Variants in ASB13 observed in about 807,000 individuals in gnomAD.
The protein encoded by ASB13 is ankyrin repeat and SOCS box containing 13.
A neutral mutation model predicts 28.8 loss-of-function variants in ASB13; 33 were observed. The observed-to-expected ratio is 1.15, with a 90% CI of 0.87 to 1.53. The LOEUF (loss-of-function observed/expected upper bound fraction) is 1.53. Ranked by LOEUF, ASB13 falls within the 40% of genes most tolerant of loss-of-function variation. The pLI is 0.00. For missense variants in ASB13, 414 were observed against 390.1 expected (o/e 1.06, Z -0.52); for synonymous variants, 182 against 172.9 (o/e 1.05, Z -0.41).
At chr10:5,648,825 G>A in intron 4 of ASB13, 145 bp downstream of exon 4, 2 of 1,464,982 alleles carry the variant, frequency 1.4e-6, no homozygotes, top group South Asian at 1.3e-5. Context: ...CACCCACGCG[G>A]GCAAACATCC....
intron 5 of ASB13, 125 bp from the exon 6 acceptor site, chr10:5,640,955 G>C: frequency 1.6e-6 from 2 of 1,267,736 alleles, no homozygotes; most frequent in Non-Finnish European, 2.2e-6. Flanking sequence ...GATGTGTCCT[G>C]TAGGCCTTCT....
rs568809459 is a variant in ASB13 at position 5,660,915 on chromosome 10, C to T, written c.43+5594G>A. 2.7e-4 allele frequency among the ~76,000 whole-genome samples: 41 copies of T among 152,320 alleles called. No individual in the cohort carries two copies. The highest frequency in any genetic ancestry group is 4.4e-4 in the Non-Finnish European group (30 of 68,032). On this transcript the variant is annotated intron_variant, in intron 1 of 5. Coordinates refer to ENST00000357700, the MANE Select transcript of ASB13 (RefSeq NM_024701.4). This position sits in a 1 kb window ranked among gnomAD's most constrained non-coding sequence, Gnocchi z 6.1. ...CACCCAGCAGTGTGCCGGGCCATCTCGCCAGCTGGCTGCTGCACAGCCAGG... is the reference window on the plus strand; with the variant it reads ...CACCCAGCAGTGTGCCGGGCCATCTTGCCAGCTGGCTGCTGCACAGCCAGG...
rs1835166503 is a variant in ASB13, at chr10:5,661,552, T to C, written c.43+4957A>G. 6.6e-6 allele frequency among the ~76,000 whole-genome samples: 1 copy of C among 152,328 alleles called. No individual in the cohort carries two copies. Among genetic ancestry groups the C allele is most frequent in the East Asian group, 1.9e-4 (1 of 5,190 alleles). ...CGCTGTCACCCAAGCTGAAGTGCAGTGGTGTGATCAGGGCTCACTGCAGCC... is the reference window on the plus strand; with the variant it reads ...CGCTGTCACCCAAGCTGAAGTGCAGCGGTGTGATCAGGGCTCACTGCAGCC... On this transcript the variant is annotated intron_variant, in intron 1 of 5. Coordinates refer to ENST00000357700, the MANE Select transcript of ASB13 (RefSeq NM_024701.4). This position sits in a 1 kb window ranked among gnomAD's most constrained non-coding sequence, Gnocchi z 4.9.
chr10:5,648,472 AGGTAAACACCCACTCG>A (rs1834925621), intron 4 of ASB13, among the ~76,000 whole-genome samples: 1 of 125,004 alleles, frequency 8.0e-6, no homozygotes, highest in Non-Finnish European at 1.8e-5. Flanking sequence ...ACACCCACTC[AGGTAAACACCCACTCG>A]GGCAAACACC....
At position 5,655,173 on chromosome 10, in the gene ASB13, G is replaced by A. The variant is rs140571249; in HGVS notation, c.44-2123C>T. On this transcript the variant is annotated intron_variant, in intron 1 of 5. Transcript: ENST00000357700. This position sits in a 1 kb window ranked among gnomAD's most constrained non-coding sequence, Gnocchi z 6.2. ...GGTAGCCTCATCAGTTAGTGCTGAC[G>A]ACTCTGCTTTTAGAGATCCCCACAT... 1.2e-3 allele frequency among the ~76,000 whole-genome samples: 186 copies of A among 151,498 alleles called. No individual in the cohort carries two copies. The Middle Eastern group carries it at 0.017, about 14-fold the overall frequency.
At chr10:5,640,966 C>A in intron 5 of ASB13, 136 bp from the exon 6 acceptor site, 1 of 1,179,016 alleles carries the variant, frequency 8.5e-7, no homozygotes, top group Non-Finnish European at 1.2e-6. Context: ...TAGGCCTTCT[C>A]TGGAAGGACA....
intron 1 of ASB13, among the ~76,000 whole-genome samples, chr10:5,657,764 A>G (rs143407396): frequency 0.012 from 1,835 of 152,320 alleles, 18 homozygotes; most frequent in South Asian, 0.061. Flanking sequence ...CCAAGTGTCC[A>G]GTGGAATATT....
chr10:5,657,375 G>A (rs1341509760), intron 1 of ASB13, among the ~76,000 whole-genome samples: 4 of 151,252 alleles, frequency 2.6e-5, no homozygotes, highest in African/African-American at 9.7e-5. Flanking sequence ...CAAACGAGTT[G>A]AACAGACATT....
intron 1 of ASB13, among the ~76,000 whole-genome samples, chr10:5,665,458 A>G (rs147680040): frequency 9.8e-5 from 15 of 152,344 alleles, no homozygotes; most frequent in African/African-American, 3.4e-4. Context: ...ATAACAAACG[A>G]TGCAGAAGAC....
rs538874662 is a variant in ASB13, at chr10:5,649,436, C to T, written c.383-332G>A. Among the ~76,000 whole-genome samples the T allele has an allele frequency of 1.5e-3, 231 of 152,066 alleles. No homozygotes were observed. Among genetic ancestry groups the T allele is most frequent in the African/African-American group, 5.3e-3 (220 of 41,490 alleles). On this transcript the variant is annotated intron_variant, in intron 3 of 5. Transcript: ENST00000357700. This position sits in a 1 kb window ranked among gnomAD's most constrained non-coding sequence, Gnocchi z 6.4. ...TGCCCCCCTGCCCTGTGTCTACCTGCGGCTGTCAGCACTGAGCCCAGCCTC... is the reference window on the plus strand; with the variant it reads ...TGCCCCCCTGCCCTGTGTCTACCTGTGGCTGTCAGCACTGAGCCCAGCCTC...
At position 5,639,935 on chromosome 10, in the gene ASB13, C is replaced by A. The variant is rs1326837048; in HGVS notation, c.*768G>T. 1 of 152,552 alleles carries A rather than the reference C, an allele frequency of 6.6e-6. No individual in the cohort carries two copies. Among genetic ancestry groups the A allele is most frequent in the East Asian group, 1.9e-4 (1 of 5,200 alleles). 9.4% of individuals were successfully genotyped at this position (152,552 alleles called of 1,614,324 possible). A position where few individuals can be genotyped will look rare whatever the true frequency, so the allele number is the denominator to read the frequency against. Reference sequence around the variant, plus strand: ...GCTCATTACCAAAACCTTAGTGGTACCGCCTACGTGTCCTCTAAAAGGTTT... The same window carrying A: ...GCTCATTACCAAAACCTTAGTGGTAACGCCTACGTGTCCTCTAAAAGGTTT... On this transcript the variant is annotated 3_prime_UTR_variant, in exon 6 of 6. Transcript: ENST00000357700.
In ASB13 at chr10:5,644,149, G is replaced by A. The variant is rs1834847935; in HGVS notation, c.518-2188C>T. ...ATGGATCCTGAAAGTATAGCACTGAGTGAGCCAAGAAGAGAGTCAGAGATG... is the reference window on the plus strand; with the variant it reads ...ATGGATCCTGAAAGTATAGCACTGAATGAGCCAAGAAGAGAGTCAGAGATG... On this transcript the variant is annotated intron_variant, in intron 4 of 5. Transcript: ENST00000357700. This position sits in a 1 kb window ranked among gnomAD's most constrained non-coding sequence, Gnocchi z 5.1. Among the ~76,000 whole-genome samples the A allele has an allele frequency of 6.6e-6, 1 of 152,248 alleles. No homozygotes were observed. The highest frequency in any genetic ancestry group is 6.5e-5 in the Admixed American group (1 of 15,284).
chr10:5,641,702 G>T lies in ASB13; in HGVS notation c.709+68C>A. ...CCAGCTCTCCGCGGAAGCCCACAGG[G>T]AGCCGGCACGTCAGGGGTCCAGGCT... On this transcript the variant is annotated intron_variant, in intron 5 of 5. Transcript: ENST00000357700. This position sits in a 1 kb window ranked among gnomAD's most constrained non-coding sequence, Gnocchi z 8.4. 1 of 1,476,684 alleles carries T rather than the reference G, an allele frequency of 6.8e-7. No individual in the cohort carries two copies. Among genetic ancestry groups the T allele is most frequent in the Non-Finnish European group, 9.1e-7 (1 of 1,095,360 alleles). 91.5% of individuals were successfully genotyped at this position (1,476,684 alleles called of 1,614,324 possible).
Position 5,651,617 on chromosome 10 carries a change from C to T in ASB13, c.232-254G>A. ...GATAAGCTCAGCAGCCCCCTCGCCA[C>T]CCCCGCCCCAAACACCTAGTAAGCA... On this transcript the variant is annotated intron_variant, in intron 2 of 5. Coordinates refer to ENST00000357700, the MANE Select transcript of ASB13 (RefSeq NM_024701.4). The surrounding 1 kb of genome is among the most constrained non-coding windows in gnomAD (Gnocchi z 5.1). The T allele has an allele frequency of 2.3e-6, 1 of 444,150 alleles. No homozygotes were observed. The highest frequency in any genetic ancestry group is 4.0e-5 in the Admixed American group (1 of 24,828). The allele number at this position is 444,150 out of a possible 1,614,324, so 27.5% of individuals were successfully genotyped here. A position where few individuals can be genotyped will look rare whatever the true frequency, so the allele number is the denominator to read the frequency against.
chr10:5,652,818 G>GGCA lies in ASB13; in HGVS notation c.231+42_231+44dup, dbSNP rs767592819. The stretch of plus-strand genomic sequence containing the variant: ...CTCCTGAGTCAACCTCCTCCATTCT[G>GGCA]GCAGCTGCAGCCAGTCTGGGGGTCT... On this transcript the variant is annotated intron_variant, in intron 2 of 5. Transcript: ENST00000357700. This position sits in a 1 kb window ranked among gnomAD's most constrained non-coding sequence, Gnocchi z 5.0. 48 of 1,467,780 alleles carry GGCA rather than the reference G, an allele frequency of 3.3e-5. No individual in the cohort carries two copies. In the East Asian group the frequency reaches 1.0e-3, roughly 32 times the overall value. The allele number at this position is 1,467,780 out of a possible 1,614,324, so 90.9% of individuals were successfully genotyped here.
Position 5,638,951 on chromosome 10 carries a change from T to A in ASB13, c.*1752A>T, listed in dbSNP as rs2386648. ...GTGCTCTACTGTGAGACATCACAGG[T>A]TGTCATTGCTAGAGGCAAGAATCTC... On this transcript the variant is annotated 3_prime_UTR_variant, in exon 6 of 6. Coordinates refer to ENST00000357700, the MANE Select transcript of ASB13 (RefSeq NM_024701.4). 0.22 allele frequency: 33,018 copies of A among 152,326 alleles called. 3,964 individuals are homozygous for A. The highest frequency in any genetic ancestry group is 0.45 in the East Asian group (2,353 of 5,172). 9.4% of individuals were successfully genotyped at this position (152,326 alleles called of 1,614,324 possible). A position where few individuals can be genotyped will look rare whatever the true frequency, so the allele number is the denominator to read the frequency against.
Position 5,649,334 on chromosome 10 carries a change from G to A in ASB13, c.383-230C>T, listed in dbSNP as rs1053542529. On this transcript the variant is annotated intron_variant, in intron 3 of 5. Transcript: ENST00000357700. The surrounding 1 kb of genome is among the most constrained non-coding windows in gnomAD (Gnocchi z 6.4). ...GAGGGCTCAAGGCAGTGGGAGAAAC[G>A]GGCCTGGCCGGCTTCTTGCTGTGAG... Among the ~76,000 whole-genome samples the A allele has an allele frequency of 2.0e-5, 3 of 152,130 alleles. No individual in the cohort carries two copies. Among genetic ancestry groups the A allele is most frequent in the African/African-American group, 4.8e-5 (2 of 41,428 alleles).
chr10:5,648,841 G>A (rs545297538), intron 4 of ASB13, 129 bp downstream of exon 4: 37 of 1,507,978 alleles, frequency 2.5e-5, no homozygotes, highest in Middle Eastern at 2.5e-4. Context: ...CATCCACTCC[G>A]GTAAACACCC....
chr10:5,652,899 C>A lies in ASB13; in HGVS notation c.195G>T (p.Ala65=). ...CCGCCAGCAGCAGCTGCACACACCG[C>A]GCCTGGCCCTGCAGACTGGCTGCGT... ...PLHAASLQGQ[A]RCVQLLLAAG... The change falls in exon 2 of 6, where the codon GCG becomes GCT. Residue 65 remains alanine, a synonymous_variant. Transcript: ENST00000357700. The surrounding 1 kb of genome is among the most constrained non-coding windows in gnomAD (Gnocchi z 5.0). The A allele has an allele frequency of 6.3e-7, 1 of 1,581,448 alleles. No homozygotes were observed. The highest frequency in any genetic ancestry group is 8.6e-7 in the Non-Finnish European group (1 of 1,164,574).
Sources: gnomAD v4.1 joint callset for allele counts (sites outside exome capture counted in the v4.1 genomes callset) on GRCh38, gnomAD v4.1.1 for gene constraint, Gnocchi (gnomAD v3.1) non-coding constraint, MANE v1.5 for transcripts, NCBI Gene and HGNC (gene_info 2026-07-23, HGNC 2026-07-21) for gene names.